Variants in APP observed in about 807,000 individuals in gnomAD.
APP encodes amyloid beta precursor protein, also known as amyloid-beta precursor protein.
Under a neutral mutation model 101.4 loss-of-function variants are expected in APP, and 31 were observed. The ratio of observed to expected loss-of-function variants is 0.31; its 90% CI spans 0.23 to 0.41. The LOEUF (loss-of-function observed/expected upper bound fraction) is 0.41, where lower values mean the gene tolerates loss of function less well. Ranked by LOEUF, APP falls within the 10% of genes least tolerant of loss-of-function variation. The pLI, the probability that APP is intolerant of heterozygous loss-of-function variation, is 1.00. For synonymous variants in APP, 366 were observed against 364.4 expected (o/e 1.00, Z -0.05); for missense variants, 839 against 1,003.7 (o/e 0.84, Z 2.22).
chr21:25,905,553 T>C (rs780645861), intron 14 of APP, among the ~76,000 whole-genome samples: 4 of 152,200 alleles, frequency 2.6e-5, no homozygotes, highest in Non-Finnish European at 4.4e-5. Context: ...TATGAATTTA[T>C]CAGGAGAGCA....
intron 11 of APP, among the ~76,000 whole-genome samples, chr21:25,956,937 T>G (rs1003464580): frequency 1.3e-5 from 2 of 152,178 alleles, no homozygotes; most frequent in African/African-American, 4.8e-5. Context: ...CTTACTCCCC[T>G]CTTTAATGTG....
At chr21:25,951,521 A>AT (rs932722218) in intron 13 of APP, among the ~76,000 whole-genome samples, 20 of 152,084 alleles carry the variant, frequency 1.3e-4, no homozygotes, top group African/African-American at 4.8e-4. Context: ...GGACTTTAAA[A>AT]TTTTCTCCTT....
rs748168213 is a variant in APP, at chr21:25,982,472, T to C, written c.1096A>G (p.Thr366Ala). Residue 366 changes from threonine (T) to alanine (A), a missense_variant, in exon 9 of 18, where the codon ACA becomes GCA. By Grantham distance (58) the Thr-to-Ala change is moderately conservative. Coordinates refer to ENST00000346798, the MANE Select transcript of APP (RefSeq NM_000484.4). ...PLARDPVKLP[T>A]TAASTPDAVD... ...GCATCAGGGGTACTGGCTGCTGTTG[T>C]AGGAACTATAAAGTAGAAGAGAAGG... 6.8e-6 allele frequency: 11 copies of C among 1,613,308 alleles called. No homozygotes were observed. Among genetic ancestry groups the C allele is most frequent in the African/African-American group, 5.4e-5 (4 of 74,710 alleles).
chr21:25,903,098 T>TA (rs1569032547), intron 15 of APP, among the ~76,000 whole-genome samples: 2 of 152,126 alleles, frequency 1.3e-5, no homozygotes, highest in Non-Finnish European at 2.9e-5. Flanking sequence ...CCGGGCATGG[T>TA]GCTTATGCCT....
rs145597013 is a variant in APP at position 26,099,687 on chromosome 21, T to C, written c.226-9615A>G. ...CTATTCTCAACAAAAATTCTTTTAA[T>C]AATGAGGAATACTGAAAATACAATC... On this transcript the variant is annotated intron_variant, in intron 2 of 17. Coordinates refer to ENST00000346798, the MANE Select transcript of APP (RefSeq NM_000484.4). Among the ~76,000 whole-genome samples the C allele has an allele frequency of 5.0e-3, 757 of 152,322 alleles. 3 individuals carry two copies. Among genetic ancestry groups the C allele is most frequent in the Middle Eastern group, 0.02 (6 of 294 alleles).
At chr21:26,162,301 C>CA (rs2063508536) in intron 1 of APP, among the ~76,000 whole-genome samples, 1 of 152,202 alleles carries the variant, frequency 6.6e-6, no homozygotes, top group Non-Finnish European at 1.5e-5. Flanking sequence ...GCCTGGGTGA[C>CA]AGAGTGAGGA....
chr21:25,927,106 T>TGAATTC (rs2039935008), intron 13 of APP, among the ~76,000 whole-genome samples: 1 of 150,992 alleles, frequency 6.6e-6, no homozygotes, highest in African/African-American at 2.4e-5. Context: ...TGAAAAAGAA[T>TGAATTC]GAATTCGACG....
intron 14 of APP, among the ~76,000 whole-genome samples, chr21:25,908,869 A>G (rs1459881855): frequency 1.3e-5 from 2 of 152,226 alleles, no homozygotes; most frequent in Non-Finnish European, 2.9e-5. Context: ...AGAAGCACAT[A>G]GCAGGGCTGG....
At chr21:26,156,105 G>A (rs931307289) in intron 1 of APP, among the ~76,000 whole-genome samples, 9 of 151,332 alleles carry the variant, frequency 5.9e-5, no homozygotes, top group African/African-American at 1.2e-4. Flanking sequence ...GTGCCTTTAT[G>A]CAGGCACTTG....
At chr21:25,923,423 T>C (rs1210471591) in intron 13 of APP, among the ~76,000 whole-genome samples, 43 of 139,142 alleles carry the variant, frequency 3.1e-4, no homozygotes, top group Admixed American at 6.4e-4. Context: ...CAAAAGAAAC[T>C]ACCATCAGAG....
At chr21:25,945,194 A>G (rs1376951663) in intron 13 of APP, among the ~76,000 whole-genome samples, 1 of 152,168 alleles carries the variant, frequency 6.6e-6, no homozygotes, top group Non-Finnish European at 1.5e-5. Context: ...TTTGGAGTAA[A>G]AGATGATAGC....
chr21:26,024,358 A>G (rs945322994), intron 5 of APP, among the ~76,000 whole-genome samples: 4 of 152,214 alleles, frequency 2.6e-5, no homozygotes, highest in African/African-American at 9.6e-5. Flanking sequence ...TTATTACCAC[A>G]GAGCTGATTC....
chr21:26,128,739 T>A (rs1187427125), intron 1 of APP, among the ~76,000 whole-genome samples: 2 of 152,030 alleles, frequency 1.3e-5, no homozygotes, highest in Non-Finnish European at 2.9e-5. Context: ...AAAACCGTAA[T>A]AATGAAGTCA....
chr21:26,112,497 G>A (rs1355562322), intron 1 of APP, among the ~76,000 whole-genome samples: 4 of 152,200 alleles, frequency 2.6e-5, no homozygotes, highest in Admixed American at 1.3e-4. Flanking sequence ...TAATCACTGT[G>A]GAGGCTACCG....
At chr21:26,029,133 G>C (rs980992038) in intron 5 of APP, among the ~76,000 whole-genome samples, 1 of 152,136 alleles carries the variant, frequency 6.6e-6, no homozygotes, top group African/African-American at 2.4e-5. Flanking sequence ...GCAGATGAGG[G>C]AGGAAGTATA....
intron 15 of APP, among the ~76,000 whole-genome samples, chr21:25,899,973 C>T (rs1172822927): frequency 6.6e-6 from 1 of 152,148 alleles, no homozygotes; most frequent in Admixed American, 6.5e-5. Context: ...ACCTAACCCT[C>T]AACCCCCAAC....
chr21:26,073,534 G>A (rs926008230), intron 3 of APP, among the ~76,000 whole-genome samples: 1 of 152,160 alleles, frequency 6.6e-6, no homozygotes, highest in Non-Finnish European at 1.5e-5. Flanking sequence ...AGGAACTTCT[G>A]ACTACCATAT....
At chr21:26,051,266 T>C (rs1489664813) in intron 4 of APP, 73 bp from the exon 5 acceptor site, 22 of 1,425,634 alleles carry the variant, frequency 1.5e-5, no homozygotes, top group Middle Eastern at 1.7e-4. Context: ...CCACATAAAA[T>C]AATCAACATG....
At chr21:25,908,117 T>G (rs537702250) in intron 14 of APP, among the ~76,000 whole-genome samples, 1 of 152,204 alleles carries the variant, frequency 6.6e-6, no homozygotes, top group Non-Finnish European at 1.5e-5. Flanking sequence ...CAGGAAAAAG[T>G]AGAACAAACA....
Sources: gnomAD v4.1 joint callset for allele counts (sites outside exome capture counted in the v4.1 genomes callset) on GRCh38, gnomAD v4.1.1 for gene constraint, MANE v1.5 for transcripts, NCBI Gene and HGNC (gene_info 2026-07-23, HGNC 2026-07-21) for gene names.